The following COL5A2 variants were observed in gnomAD, a reference collection of about 807,000 sequenced individuals.
COL5A2 encodes the protein collagen type V alpha 2 chain, also known as collagen alpha-2(V) chain.
In COL5A2, 23 loss-of-function variants were observed where a neutral mutation model predicts 208.2. The observed-to-expected ratio is 0.11, with a 90% confidence interval of 0.08 to 0.16. The LOEUF (loss-of-function observed/expected upper bound fraction) is 0.16. COL5A2 is among the 10% of genes least tolerant of loss of function. The probability of loss-of-function intolerance (pLI) is 1.00; values close to 1 mark genes in which losing one functional copy is unlikely to be tolerated. For synonymous variants in COL5A2, 625 were observed against 628.5 expected, an observed-to-expected ratio of 0.99 and a Z score of 0.08; for missense variants, 1,590 against 1,956.4, an observed-to-expected ratio of 0.81 and a Z score of 3.53.
chr2:189,302,131 C>G, the COL5A2 span, among the ~76,000 whole-genome samples: 1 of 152,122 alleles, frequency 6.6e-6, no homozygotes, highest in African/African-American at 2.4e-5. Context: ...ATTTTTGTCA[C>G]TAGTTGCAAT....
chr2:189,423,023 C>CAA, the COL5A2 span, among the ~76,000 whole-genome samples: 6 of 112,824 alleles, frequency 5.3e-5, no homozygotes, highest in South Asian at 2.9e-4. Flanking sequence ...AACTCTGTCT[C>CAA]AAAAAAAAAA....
chr2:189,239,708 A>G, the COL5A2 span, among the ~76,000 whole-genome samples: 1 of 151,806 alleles, frequency 6.6e-6, no homozygotes, highest in African/African-American at 2.4e-5. Flanking sequence ...AGCATGGCAC[A>G]TGTATACATA....
intron 47 of COL5A2, among the ~76,000 whole-genome samples, chr2:189,044,611 A>AT (rs1685625669): frequency 6.6e-6 from 1 of 152,102 alleles, no homozygotes; most frequent in Non-Finnish European, 1.5e-5. Flanking sequence ...TATGGCCATG[A>AT]TTTTCAAAGT....
intron 1 of COL5A2, among the ~76,000 whole-genome samples, chr2:189,146,602 AT>A (rs1428315848): frequency 6.6e-6 from 1 of 152,210 alleles, no homozygotes; most frequent in Non-Finnish European, 1.5e-5. Context: ...GCCATATAAA[AT>A]AATTTAATTT....
At chr2:189,091,786 A>G (rs1283310782) in intron 7 of COL5A2, among the ~76,000 whole-genome samples, 1 of 152,202 alleles carries the variant, frequency 6.6e-6, no homozygotes, top group Admixed American at 6.5e-5. Flanking sequence ...GTCTGACATT[A>G]ACAATTCAAA....
chr2:189,135,276 T>C (rs1426651969), intron 1 of COL5A2, among the ~76,000 whole-genome samples: 1 of 152,236 alleles, frequency 6.6e-6, no homozygotes, highest in African/African-American at 2.4e-5. Context: ...TATTAGCAAC[T>C]TTTTTCTTCC....
At chr2:189,044,855 A>G (rs1209315500) in intron 47 of COL5A2, among the ~76,000 whole-genome samples, 1 of 152,142 alleles carries the variant, frequency 6.6e-6, no homozygotes, top group Non-Finnish European at 1.5e-5. Flanking sequence ...AGAGCTTTCA[A>G]ATCCATTTTC....
At chr2:189,217,506 T>TGC (rs1689294228) in intron 1 of COL5A2, among the ~76,000 whole-genome samples, 1 of 151,186 alleles carries the variant, frequency 6.6e-6, no homozygotes, top group Non-Finnish European at 1.5e-5. Context: ...GTGAGATTTG[T>TGC]GTGTGTGTGT....
intron 1 of COL5A2, among the ~76,000 whole-genome samples, chr2:189,210,297 A>G (rs1296699323): frequency 1.3e-5 from 2 of 152,176 alleles, no homozygotes; most frequent in African/African-American, 4.8e-5. Flanking sequence ...AGGATCCCCA[A>G]GATTGATTAT....
intron 1 of COL5A2, among the ~76,000 whole-genome samples, chr2:189,216,450 A>C (rs1689280780): frequency 6.6e-6 from 1 of 152,046 alleles, no homozygotes; most frequent in South Asian, 2.1e-4. Context: ...GCGAATTCAA[A>C]GCATGAAAAA....
upstream of COL5A2, among the ~76,000 whole-genome samples, chr2:189,183,485 C>T (rs1234482138): frequency 6.6e-6 from 1 of 152,146 alleles, no homozygotes; most frequent in African/African-American, 2.4e-5. Flanking sequence ...TCCTCCTGAG[C>T]TACAGACCTA....
intron 1 of COL5A2, among the ~76,000 whole-genome samples, chr2:189,139,454 T>C (rs568763271): frequency 1.3e-4 from 19 of 151,974 alleles, no homozygotes; most frequent in Non-Finnish European, 2.5e-4. Context: ...CCAGTACTCC[T>C]GAAAAATCGT....
chr2:189,121,009 C>T (rs562113205), intron 1 of COL5A2, among the ~76,000 whole-genome samples: 19 of 152,250 alleles, frequency 1.2e-4, no homozygotes, highest in Admixed American at 2.6e-4. Flanking sequence ...TCTACCTTTA[C>T]GGAGTTTACA....
At chr2:189,258,775 C>T in the COL5A2 span, among the ~76,000 whole-genome samples, 1 of 152,074 alleles carries the variant, frequency 6.6e-6, no homozygotes, top group Non-Finnish European at 1.5e-5. Context: ...AAAGCCACGT[C>T]GCCAGAGAGC....
the COL5A2 span, among the ~76,000 whole-genome samples, chr2:189,274,019 T>G: frequency 6.7e-6 from 1 of 148,958 alleles, no homozygotes; most frequent in African/African-American, 2.4e-5. Flanking sequence ...AAAAAAAAAA[T>G]GATAAGAATG....
chr2:189,396,762 TCACCC>T, the COL5A2 span, among the ~76,000 whole-genome samples: 1 of 149,832 alleles, frequency 6.7e-6, no homozygotes, highest in Admixed American at 6.7e-5. Flanking sequence ...GGCGGGCAGA[TCACCC>T]AGATCACCTG....
Position 189,144,157 on chromosome 2 carries a change from CT to C in COL5A2, c.98-33709del, listed in dbSNP as rs199855696. Among the ~76,000 whole-genome samples the C allele has an allele frequency of 8.1e-3, 1,237 of 152,158 alleles. 3 individuals carry two copies. Among genetic ancestry groups the C allele is most frequent in the Non-Finnish European group, 0.013 (901 of 67,990 alleles). ...AACCATGTTGCTGTGATGCAAGACT[CT>C]TGGGCCTCTGAAAACAGTGAACATA... is the stretch of plus-strand genomic sequence containing the variant. On this transcript the variant is annotated intron_variant, in intron 1 of 53. Transcript: ENST00000374866.
At chr2:189,045,981 T>A in intron 45 of COL5A2, 74 bp from the exon 46 acceptor site, 1 of 1,301,232 alleles carries the variant, frequency 7.7e-7, no homozygotes, top group South Asian at 1.2e-5. Flanking sequence ...TTCATGTTAT[T>A]CTTATAGTAT....
chr2:189,187,806 A>G (rs564556591), intron 1 of COL5A2, among the ~76,000 whole-genome samples: 14 of 152,072 alleles, frequency 9.2e-5, no homozygotes, highest in African/African-American at 3.4e-4. Context: ...CGTCTCTACT[A>G]AAAAAACAAA....
Sources: gnomAD v4.1 joint callset for allele counts (sites outside exome capture counted in the v4.1 genomes callset) on GRCh38, gnomAD v4.1.1 for gene constraint, MANE v1.5 for transcripts, NCBI Gene and HGNC (gene_info 2026-07-23, HGNC 2026-07-21) for gene names.